SEPTIN11: variants seen among roughly 807,000 people sequenced by gnomAD.
The protein encoded by SEPTIN11 is septin 11, also known as septin-11.
Under a neutral mutation model 51.4 loss-of-function variants are expected in SEPTIN11, and 25 were observed. That is an observed-to-expected ratio of 0.49 (90% CI 0.35 to 0.68). The LOEUF is 0.68. Ranked by LOEUF, SEPTIN11 falls within the 30% of genes least tolerant of loss-of-function variation. The pLI is 0.00. For synonymous variants in SEPTIN11, 174 were observed against 184.1 expected (o/e 0.95, Z 0.44); for missense variants, 381 against 520.8 (o/e 0.73, Z 2.61).
chr4:77,030,767 T>G lies in SEPTIN11; in HGVS notation c.1087-16T>G, dbSNP rs753673117. 2 of 1,577,600 alleles carry G rather than the reference T, an allele frequency of 1.3e-6. No individual in the cohort carries two copies. The highest frequency in any genetic ancestry group is 2.8e-5 in the African/African-American group (2 of 72,258). ...TTTCATTCCATTCACCAAGCCTGTT[T>G]TCTTTTTCTCTCCAGCTTCACGAGA... On this transcript the variant is annotated splice_polypyrimidine_tract_variant and intron_variant, in intron 8 of 9. Coordinates refer to ENST00000264893, the MANE Select transcript of SEPTIN11 (RefSeq NM_018243.4).
chr4:76,967,319 A>G (rs574458009), intron 1 of SEPTIN11, among the ~76,000 whole-genome samples: 4 of 152,214 alleles, frequency 2.6e-5, no homozygotes, highest in East Asian at 1.9e-4. Context: ...TTAAGCTTCA[A>G]TTAGGTTCCG....
At chr4:77,010,300 C>T (rs979219908) in intron 3 of SEPTIN11, among the ~76,000 whole-genome samples, 81 of 152,190 alleles carry the variant, frequency 5.3e-4, no homozygotes, top group African/African-American at 1.9e-3. Context: ...AACCACCATC[C>T]TCTATAACTA....
intron 1 of SEPTIN11, among the ~76,000 whole-genome samples, chr4:76,989,099 G>A (rs1349740678): frequency 6.6e-6 from 1 of 152,174 alleles, no homozygotes; most frequent in Non-Finnish European, 1.5e-5. Flanking sequence ...CAGAGACTTT[G>A]TTTAGAGGTA....
At position 77,034,721 on chromosome 4, in the gene SEPTIN11, G is replaced by C. The variant is rs1726914330; in HGVS notation, c.*209G>C. On this transcript the variant is annotated 3_prime_UTR_variant, in exon 10 of 10. Coordinates refer to ENST00000264893, the MANE Select transcript of SEPTIN11 (RefSeq NM_018243.4). ...GGAATAACCGCGAATGCTCTGTGCAGCTGGACTCTGTTTCCGGAAAGTAAA... is the reference window on the plus strand; with the variant it reads ...GGAATAACCGCGAATGCTCTGTGCACCTGGACTCTGTTTCCGGAAAGTAAA... The C allele has an allele frequency of 7.9e-7, 1 of 1,264,302 alleles. No homozygotes were observed. The highest frequency in any genetic ancestry group is 1.0e-6 in the Non-Finnish European group (1 of 1,000,914). The allele number at this position is 1,264,302 out of a possible 1,614,324, so 78.3% of individuals were successfully genotyped here. A position where few individuals can be genotyped will look rare whatever the true frequency, so the allele number is the denominator to read the frequency against.
At chr4:76,955,044 A>C (rs1721502584) in intron 1 of SEPTIN11, among the ~76,000 whole-genome samples, 1 of 152,168 alleles carries the variant, frequency 6.6e-6, no homozygotes, top group Non-Finnish European at 1.5e-5. Context: ...ATAACATTAA[A>C]ATTTACCTAC....
At chr4:77,001,914 G>A (rs1260673004) in intron 2 of SEPTIN11, among the ~76,000 whole-genome samples, 1 of 152,194 alleles carries the variant, frequency 6.6e-6, no homozygotes, top group African/African-American at 2.4e-5. Flanking sequence ...CAAGGCAGGA[G>A]AATTGCTTGA....
intron 2 of SEPTIN11, among the ~76,000 whole-genome samples, chr4:77,002,376 G>C (rs769790795): frequency 5.3e-5 from 8 of 152,048 alleles, no homozygotes; most frequent in Non-Finnish European, 8.8e-5. Flanking sequence ...AACCTGGAAT[G>C]CTTGCCATGT....
chr4:76,995,794 ACT>A (rs1723673804), intron 1 of SEPTIN11: 2 of 1,528,174 alleles, frequency 1.3e-6, no homozygotes, highest in African/African-American at 1.4e-5. Flanking sequence ...ACATCGGTAA[ACT>A]CTGCAAAACT....
At position 77,033,072 on chromosome 4, in the gene SEPTIN11, G is replaced by A. The variant is rs374623374; in HGVS notation, c.1275-1425G>A. On this transcript the variant is annotated intron_variant, in intron 9 of 9. Coordinates refer to ENST00000264893, the MANE Select transcript of SEPTIN11 (RefSeq NM_018243.4). ...CACCTGACAATGGCACATATTTTTT[G>A]TATAACTTTTTCTAGGTCCTTACCC... Among the ~76,000 whole-genome samples the A allele has an allele frequency of 2.0e-5, 3 of 151,952 alleles. No individual in the cohort carries two copies. In the East Asian group the frequency reaches 5.8e-4, roughly 29 times the overall value.
chr4:76,972,354 T>C (rs746304189), intron 1 of SEPTIN11: 1 of 152,222 alleles, frequency 6.6e-6, no homozygotes, highest in African/African-American at 2.4e-5. Context: ...CTTAATTATA[T>C]TTAACTACTG....
At chr4:76,955,737 A>C (rs1412494911) in intron 1 of SEPTIN11, among the ~76,000 whole-genome samples, 1 of 152,222 alleles carries the variant, frequency 6.6e-6, no homozygotes, top group Non-Finnish European at 1.5e-5. Flanking sequence ...TTGAACCCTT[A>C]AAGAATAGAG....
chr4:77,019,764 C>G (rs1725566044), intron 6 of SEPTIN11, among the ~76,000 whole-genome samples: 1 of 152,196 alleles, frequency 6.6e-6, no homozygotes, highest in Non-Finnish European at 1.5e-5. Context: ...ACGTGTGTCA[C>G]TTTGAATGAC....
intron 1 of SEPTIN11, among the ~76,000 whole-genome samples, chr4:76,967,712 T>C (rs1722088333): frequency 6.6e-6 from 1 of 150,556 alleles, no homozygotes; most frequent in Non-Finnish European, 1.5e-5. Flanking sequence ...TTTGTTTTTC[T>C]TGTATTTGAA....
intron 9 of SEPTIN11, among the ~76,000 whole-genome samples, chr4:77,033,022 G>A (rs1726769496): frequency 6.6e-6 from 1 of 152,068 alleles, no homozygotes. Flanking sequence ...TACTTAATTT[G>A]GTTCAGAGTA....
At position 77,020,236 on chromosome 4, in the gene SEPTIN11, C is replaced by A. The variant is rs543365333; in HGVS notation, c.785-266C>A. Among the ~76,000 whole-genome samples the A allele has an allele frequency of 7.3e-4, 111 of 152,248 alleles. 1 individual carries two copies. Among genetic ancestry groups the A allele is most frequent in the Non-Finnish European group, 1.1e-3 (72 of 68,026 alleles). ...GCAGAGTTATTATGAAGGGTAAAGA[C>A]AATATTTGTTTTCAAGCTCCTCCCT... On this transcript the variant is annotated intron_variant, in intron 6 of 9. Coordinates refer to ENST00000264893, the MANE Select transcript of SEPTIN11 (RefSeq NM_018243.4).
chr4:76,986,264 GC>G (rs1723023871), intron 1 of SEPTIN11, among the ~76,000 whole-genome samples: 1 of 151,976 alleles, frequency 6.6e-6, no homozygotes, highest in Non-Finnish European at 1.5e-5. Context: ...CTGCTATTTG[GC>G]GTGAAAAAAA....
At chr4:77,038,966 G>C, downstream of SEPTIN11, 3 of 723,586 alleles carry the variant, frequency 4.1e-6, no homozygotes, top group South Asian at 4.4e-5. Flanking sequence ...CCCATTAACT[G>C]ACACACTGCT....
chr4:76,974,288 C>T (rs1457826481), intron 1 of SEPTIN11, among the ~76,000 whole-genome samples: 1 of 152,152 alleles, frequency 6.6e-6, no homozygotes, highest in Non-Finnish European at 1.5e-5. Flanking sequence ...CCCCCTTTGC[C>T]ATGGTACTGG....
intron 1 of SEPTIN11, among the ~76,000 whole-genome samples, chr4:76,966,467 C>CT (rs200247818): frequency 1.3e-3 from 185 of 141,650 alleles, no homozygotes; most frequent in East Asian, 2.0e-3. Context: ...GTATAGCTGA[C>CT]TTTTTTTTTT....
Sources: allele counts gnomAD v4.1 joint callset (sites outside exome capture counted in the v4.1 genomes callset), GRCh38; gene constraint gnomAD v4.1.1; transcripts MANE v1.5; gene names NCBI Gene and HGNC (gene_info 2026-07-23, HGNC 2026-07-21).